The following CDCA7L variants were observed in gnomAD, a reference collection of about 807,000 sequenced individuals.
The protein encoded by CDCA7L is cell division cycle associated 7 like, also known as cell division cycle-associated 7-like protein.
Under a neutral mutation model 57.4 loss-of-function variants are expected in CDCA7L, and 44 were observed. The observed-to-expected ratio is 0.77, with a 90% CI of 0.60 to 0.98. CDCA7L has a LOEUF of 0.98. Among genes scored for constraint, CDCA7L ranks in the 50% least tolerant of loss-of-function variants. The probability of loss-of-function intolerance (pLI) is 0.00; values close to 1 mark genes in which losing one functional copy is unlikely to be tolerated. For synonymous variants in CDCA7L, 236 were observed against 202.8 expected (o/e 1.16, Z -1.39); for missense variants, 644 against 580.6 (o/e 1.11, Z -1.12).
chr7:21,944,760 C>A (rs1786461061), intron 1 of CDCA7L: 1 of 152,022 alleles, frequency 6.6e-6, no homozygotes, highest in Non-Finnish European at 1.5e-5. Flanking sequence ...CGCCTTCCAA[C>A]GCTGGCGGCC....
rs1193597899 is a variant in CDCA7L at position 21,901,055 on chromosome 7, AG to A, written c.*1266del. 6.2e-7 allele frequency: 1 copy of A among 1,613,274 alleles called. No individual in the cohort carries two copies. The highest frequency in any genetic ancestry group is 2.2e-5 in the East Asian group (1 of 44,884). ...GGAACCATTGTTGAAGCCCGTCTCA[AG>A]GAGCTGGCATGCCCTATGCCGGTCA... On this transcript the variant is annotated 3_prime_UTR_variant, in exon 10 of 10. Transcript: ENST00000406877.
Position 21,901,312 on chromosome 7 carries a change from T to TTGCTGCACTGTTCCCA in CDCA7L, c.*994_*1009dup. 6.7e-7 allele frequency: 1 copy of TTGCTGCACTGTTCCCA among 1,482,864 alleles called. No individual in the cohort carries two copies. The highest frequency in any genetic ancestry group is 2.1e-5 in the Admixed American group (1 of 47,918). 91.9% of individuals were successfully genotyped at this position (1,482,864 alleles called of 1,614,324 possible). On this transcript the variant is annotated 3_prime_UTR_variant, in exon 10 of 10. Transcript: ENST00000406877. ...AGTGCAGTGAGGATTTTCTAGCATG[T>TTGCTGCACTGTTCCCA]TGCTGCACTGTTCCCATGCACATTA...
intron 1 of CDCA7L, among the ~76,000 whole-genome samples, chr7:21,931,404 C>T (rs1406085036): frequency 6.6e-6 from 1 of 152,164 alleles, no homozygotes; most frequent in African/African-American, 2.4e-5. Flanking sequence ...CCAAATCCAG[C>T]AGCACATCAA....
At chr7:21,935,085 G>C (rs1364883728) in intron 1 of CDCA7L, among the ~76,000 whole-genome samples, 3 of 152,166 alleles carry the variant, frequency 2.0e-5, no homozygotes, top group East Asian at 3.9e-4. Context: ...CCCAACAACA[G>C]AATAAACACT....
chr7:21,937,891 T>G (rs1199674871), intron 1 of CDCA7L, among the ~76,000 whole-genome samples: 2 of 152,146 alleles, frequency 1.3e-5, no homozygotes, highest in African/African-American at 4.8e-5. Flanking sequence ...TTGGATTAGG[T>G]TGGACCCTTA....
rs1785058121 is a variant in CDCA7L at position 21,904,278 on chromosome 7, G to A, written c.1048-19C>T. The A allele has an allele frequency of 1.3e-6, 2 of 1,581,760 alleles. No homozygotes were observed. Among genetic ancestry groups the A allele is most frequent in the African/African-American group, 1.3e-5 (1 of 74,076 alleles). ...TGTTACCCTACAGGGGGAAGGCAGT[G>A]AGCAGGTGAACACAGGGATATGCTG... is the stretch of plus-strand genomic sequence containing the variant. On this transcript the variant is annotated intron_variant, in intron 7 of 9. Coordinates refer to ENST00000406877, the MANE Select transcript of CDCA7L (RefSeq NM_018719.5).
At chr7:21,940,428 G>A in intron 1 of CDCA7L, 2 of 309,404 alleles carry the variant, frequency 6.5e-6, no homozygotes, top group Non-Finnish European at 9.4e-6. Context: ...AATACATGCT[G>A]GACATCGTCT....
intron 9 of CDCA7L, chr7:21,902,673 T>A (rs1784963373): frequency 2.0e-6 from 1 of 490,446 alleles, no homozygotes; most frequent in Non-Finnish European, 3.6e-6. Context: ...TCATAATCTG[T>A]GTCTTTCCCC....
chr7:21,935,098 T>C (rs1190413600), intron 1 of CDCA7L, among the ~76,000 whole-genome samples: 1 of 152,152 alleles, frequency 6.6e-6, no homozygotes, highest in Non-Finnish European at 1.5e-5. Context: ...TAAACACTTT[T>C]CTCAAGTACT....
At chr7:21,931,196 GTACAA>G (rs1785998244) in intron 1 of CDCA7L, among the ~76,000 whole-genome samples, 2 of 152,154 alleles carry the variant, frequency 1.3e-5, no homozygotes, top group African/African-American at 4.8e-5. Context: ...TCTACCAGAG[GTACAA>G]AGAGGAGCTG....
intron 1 of CDCA7L, among the ~76,000 whole-genome samples, chr7:21,928,923 A>G (rs1055584141): frequency 1.3e-5 from 2 of 152,064 alleles, no homozygotes; most frequent in African/African-American, 4.8e-5. Flanking sequence ...CTAGCAAGAC[A>G]GGCCAACATT....
intron 1 of CDCA7L, among the ~76,000 whole-genome samples, chr7:21,926,005 T>C (rs751944583): frequency 1.6e-4 from 24 of 152,064 alleles, no homozygotes; most frequent in Non-Finnish European, 2.9e-4. Context: ...TTAGATGGCC[T>C]AGGCAGGATA....
chr7:21,936,419 T>C (rs1786167549), intron 1 of CDCA7L, among the ~76,000 whole-genome samples: 1 of 152,088 alleles, frequency 6.6e-6, no homozygotes, highest in Non-Finnish European at 1.5e-5. Flanking sequence ...ACAAGAATAC[T>C]CAACAAAATG....
intron 1 of CDCA7L, among the ~76,000 whole-genome samples, chr7:21,921,692 CA>C (rs930556162): frequency 7.0e-6 from 1 of 141,902 alleles, no homozygotes; most frequent in African/African-American, 2.6e-5. Context: ...CTGAAAACAA[CA>C]AAAATACAAA....
intron 8 of CDCA7L, among the ~76,000 whole-genome samples, chr7:21,903,332 G>A (rs1294544948): frequency 2.6e-5 from 4 of 152,114 alleles, no homozygotes; most frequent in Non-Finnish European, 4.4e-5. Flanking sequence ...AGGGCTCCTT[G>A]CTTAAAAATT....
At chr7:21,902,638 C>G (rs982986034) in intron 9 of CDCA7L, 7 of 527,038 alleles carry the variant, frequency 1.3e-5, no homozygotes, top group Admixed American at 9.7e-5. Flanking sequence ...AACTCTCTCT[C>G]TGCACTAGGA....
At chr7:21,937,732 G>A (rs1786217256) in intron 1 of CDCA7L, among the ~76,000 whole-genome samples, 1 of 151,846 alleles carries the variant, frequency 6.6e-6, no homozygotes, top group Non-Finnish European at 1.5e-5. Flanking sequence ...AAAACAGTGT[G>A]GTCTTGGCAT....
At chr7:21,916,452 C>G (rs1785482577) in intron 2 of CDCA7L, among the ~76,000 whole-genome samples, 1 of 150,662 alleles carries the variant, frequency 6.6e-6, no homozygotes, top group African/African-American at 2.4e-5. Context: ...CACAGCCTCG[C>G]CACAGGTTAC....
intron 1 of CDCA7L, chr7:21,944,931 G>A (rs561647328): frequency 3.4e-4 from 52 of 151,256 alleles, no homozygotes; most frequent in African/African-American, 1.2e-3. Context: ...CACAAGCAGA[G>A]GCGTGGCTGC....
Sources: gnomAD v4.1 joint callset for allele counts (sites outside exome capture counted in the v4.1 genomes callset) on GRCh38, gnomAD v4.1.1 for gene constraint, MANE v1.5 for transcripts, NCBI Gene and HGNC (gene_info 2026-07-23, HGNC 2026-07-21) for gene names.